Variants in GSN observed in about 807,000 individuals in gnomAD.
The protein encoded by GSN is gelsolin.
In GSN, 56 loss-of-function variants were observed where a neutral mutation model predicts 85.7. The ratio of observed to expected loss-of-function variants is 0.65; its 90% CI spans 0.53 to 0.82. GSN has a LOEUF of 0.82. GSN is among the 40% of genes least tolerant of loss of function. The pLI, the probability that GSN is intolerant of heterozygous loss-of-function variation, is 0.00. For missense variants in GSN, 857 were observed against 979.8 expected (o/e 0.87, Z 1.67); for synonymous variants, 373 against 399.1 (o/e 0.93, Z 0.78).
At chr9:121,286,712 C>A in intron 2 of GSN, 1 of 1,535,392 alleles carries the variant, frequency 6.5e-7, no homozygotes, top group Non-Finnish European at 8.7e-7. Flanking sequence ...CTGTGGCCAT[C>A]ATTCTCCTTA....
At chr9:121,265,065 A>T (rs2055170183), upstream of GSN, 1 of 152,276 alleles carries the variant, frequency 6.6e-6, no homozygotes, top group African/African-American at 2.4e-5. Context: ...CCCCTGCCCT[A>T]GTGTTCCATG....
At chr9:121,243,292 TCTC>T (rs1449716625) in intron 5 of GSN, among the ~76,000 whole-genome samples, 4 of 152,180 alleles carry the variant, frequency 2.6e-5, no homozygotes, top group Admixed American at 2.0e-4. Flanking sequence ...CATGGTAAAA[TCTC>T]CTTCTGCCTA....
At chr9:121,223,025 T>C (rs548201210) in intron 4 of GSN, 3 of 152,216 alleles carry the variant, frequency 2.0e-5, no homozygotes, top group Non-Finnish European at 4.4e-5. Flanking sequence ...GCAGTGTGTT[T>C]ACTGAAGTTG....
chr9:121,299,433 G>A lies in GSN; in HGVS notation c.-9-2530G>A, dbSNP rs1372563991. 5.1e-6 allele frequency: 5 copies of A among 983,826 alleles called. No individual in the cohort carries two copies. The highest frequency in any genetic ancestry group is 5.2e-4 in the Middle Eastern group (1 of 1,934). 60.9% of individuals were successfully genotyped at this position (983,826 alleles called of 1,614,324 possible). A position where few individuals can be genotyped will look rare whatever the true frequency, so the allele number is the denominator to read the frequency against. On this transcript the variant is annotated intron_variant, in intron 2 of 17. Transcript: ENST00000432226. This position sits in a 1 kb window ranked among gnomAD's most constrained non-coding sequence, Gnocchi z 4.2. ...CCCCCCTCTGTAAAATGGGTTGGCC[G>A]TTGTACCCTCTCTGAAAAGGATGTG... is the stretch of plus-strand genomic sequence containing the variant.
intron 4 of GSN, chr9:121,308,500 T>G (rs553862071): frequency 3.1e-4 from 47 of 152,320 alleles, no homozygotes; most frequent in African/African-American, 1.1e-3. Flanking sequence ...GCCAACATGG[T>G]GAAACTTCAT....
At chr9:121,305,923 C>T (rs993069735) in intron 4 of GSN, among the ~76,000 whole-genome samples, 6 of 152,234 alleles carry the variant, frequency 3.9e-5, no homozygotes, top group Non-Finnish European at 7.3e-5. Flanking sequence ...AAAGCCTCTT[C>T]CTCTGAGCCA....
intron 5 of GSN, among the ~76,000 whole-genome samples, chr9:121,240,728 G>T (rs1418388064): frequency 6.6e-6 from 1 of 152,170 alleles, no homozygotes; most frequent in African/African-American, 2.4e-5. Context: ...AGAAAGTGAG[G>T]GGCGGCCACT....
intron 5 of GSN, among the ~76,000 whole-genome samples, chr9:121,243,347 C>T (rs372096939): frequency 2.0e-5 from 3 of 152,288 alleles, no homozygotes; most frequent in African/African-American, 4.8e-5. Context: ...GAGATCACTT[C>T]GATAATTCAG....
chr9:121,309,450 C>T (rs2060820950), intron 4 of GSN: 3 of 152,122 alleles, frequency 2.0e-5, no homozygotes, highest in Non-Finnish European at 2.9e-5. Context: ...CCAAAGCCAT[C>T]CAGCATTGTT....
intron 7 of GSN, 56 bp from the exon 8 acceptor site, chr9:121,317,030 A>G: frequency 6.2e-7 from 1 of 1,611,792 alleles, no homozygotes; most frequent in Non-Finnish European, 8.5e-7. Flanking sequence ...TGGAAGTCTC[A>G]GGGCTGGGCG....
intron 6 of GSN, among the ~76,000 whole-genome samples, chr9:121,256,505 T>C (rs2054963606): frequency 6.6e-6 from 1 of 151,930 alleles, no homozygotes; most frequent in East Asian, 1.9e-4. Flanking sequence ...GAAAGTAGAA[T>C]TGTGGCTGGG....
At chr9:121,286,102 C>T in intron 2 of GSN, 1 of 1,535,212 alleles carries the variant, frequency 6.5e-7, no homozygotes. Flanking sequence ...ATTAGGTTGG[C>T]CTGTGTCAGG....
intron 4 of GSN, among the ~76,000 whole-genome samples, chr9:121,218,764 C>T (rs944203678): frequency 6.6e-6 from 1 of 152,178 alleles, no homozygotes; most frequent in African/African-American, 2.4e-5. Context: ...ACAAATGTCC[C>T]TGTGCAAGCC....
At chr9:121,284,020 A>AG (rs2057751554) in intron 2 of GSN, 1 of 166,700 alleles carries the variant, frequency 6.0e-6, no homozygotes, top group Non-Finnish European at 1.5e-5. Flanking sequence ...GGCTTTAGTG[A>AG]GGGGGAGTCC....
chr9:121,251,121 C>T (rs970741111), intron 6 of GSN, among the ~76,000 whole-genome samples: 1 of 147,600 alleles, frequency 6.8e-6, no homozygotes, highest in Non-Finnish European at 1.5e-5. Flanking sequence ...CCACTGCACC[C>T]GACCCTGTTT....
intron 6 of GSN, among the ~76,000 whole-genome samples, chr9:121,254,298 A>C (rs2054902099): frequency 2.0e-5 from 3 of 152,218 alleles, no homozygotes; most frequent in African/African-American, 7.2e-5. Flanking sequence ...CTACATGCGT[A>C]ATAGCAAGAC....
Position 121,329,181 on chromosome 9 carries a change from G to T in GSN, c.1888-57G>T, listed in dbSNP as rs1207467160. The T allele has an allele frequency of 6.7e-7, 1 of 1,496,792 alleles. No homozygotes were observed. The highest frequency in any genetic ancestry group is 9.3e-7 in the Non-Finnish European group (1 of 1,074,204). 92.7% of individuals were successfully genotyped at this position (1,496,792 alleles called of 1,614,324 possible). On this transcript the variant is annotated intron_variant, in intron 15 of 17. Transcript: ENST00000432226. The surrounding 1 kb of genome is among the most constrained non-coding windows in gnomAD (Gnocchi z 4.6). Reference sequence around the variant, plus strand: ...GCCACTCCCTCAGGGGGCAGATAAAGGAAGGCCACCCAGGGGAGGGAAGAC... The same window carrying T: ...GCCACTCCCTCAGGGGGCAGATAAATGAAGGCCACCCAGGGGAGGGAAGAC...
At chr9:121,303,169 C>T (rs763868927) in intron 4 of GSN, 104 bp downstream of exon 4, 11 of 1,090,792 alleles carry the variant, frequency 1.0e-5, no homozygotes, top group Non-Finnish European at 1.2e-5. Flanking sequence ...GTGGGCAGAC[C>T]GATCAGAGGT....
intron 2 of GSN, among the ~76,000 whole-genome samples, chr9:121,301,625 CA>C (rs753963979): frequency 0.048 from 2,666 of 55,966 alleles, 36 homozygotes; most frequent in African/African-American, 0.11. Flanking sequence ...GACTCTGTCT[CA>C]AAAAAAAAAA....
Sources: gnomAD v4.1 joint callset for allele counts (sites outside exome capture counted in the v4.1 genomes callset) on GRCh38, gnomAD v4.1.1 for gene constraint, Gnocchi (gnomAD v3.1) non-coding constraint, MANE v1.5 for transcripts, NCBI Gene and HGNC (gene_info 2026-07-23, HGNC 2026-07-21) for gene names.